SLCO2A1: variants seen among roughly 807,000 people sequenced by gnomAD.
SLCO2A1 encodes the protein solute carrier organic anion transporter family member 2A1.
Under a neutral mutation model 71.7 loss-of-function variants are expected in SLCO2A1, and 60 were observed. The ratio of observed to expected loss-of-function variants is 0.84; its 90% CI spans 0.68 to 1.04. SLCO2A1 has a LOEUF of 1.04. SLCO2A1 is among the 50% of genes least tolerant of loss of function. SLCO2A1 has a pLI of 0.00. For synonymous variants in SLCO2A1, 308 were observed against 326.7 expected (o/e 0.94, Z 0.62); for missense variants, 745 against 813.4 (o/e 0.92, Z 1.02).
intron 3 of SLCO2A1, among the ~76,000 whole-genome samples, chr3:133,962,960 C>T (rs1934075884): frequency 6.6e-6 from 1 of 152,158 alleles, no homozygotes; most frequent in Non-Finnish European, 1.5e-5. Flanking sequence ...CTCATCTTCC[C>T]CCAGGCAACC....
intron 5 of SLCO2A1, among the ~76,000 whole-genome samples, chr3:133,952,550 TG>T: frequency 6.6e-6 from 1 of 152,304 alleles, no homozygotes; most frequent in Middle Eastern, 3.4e-3. Flanking sequence ...CCCCATCTTG[TG>T]GGAGACTGGG....
At chr3:133,981,983 A>C (rs2108059677) in intron 1 of SLCO2A1, among the ~76,000 whole-genome samples, 1 of 151,822 alleles carries the variant, frequency 6.6e-6, no homozygotes, top group Non-Finnish European at 1.5e-5. Flanking sequence ...TCAAAAAAAA[A>C]AAAAAAAAAA....
chr3:133,962,173 G>A (rs185203919), intron 3 of SLCO2A1, among the ~76,000 whole-genome samples: 121 of 152,198 alleles, frequency 8.0e-4, no homozygotes, highest in African/African-American at 2.6e-3. Context: ...TCTGCCTCCC[G>A]GGTTTAAGCG....
chr3:134,027,764 T>C (rs977094661), intron 1 of SLCO2A1, among the ~76,000 whole-genome samples: 1 of 152,220 alleles, frequency 6.6e-6, no homozygotes, highest in African/African-American at 2.4e-5. Context: ...CTCCCAGTTA[T>C]TGCCCCAGGA....
chr3:133,969,625 A>G (rs1454623706), intron 3 of SLCO2A1, among the ~76,000 whole-genome samples: 2 of 152,142 alleles, frequency 1.3e-5, no homozygotes, highest in South Asian at 4.2e-4. Flanking sequence ...GCCTCAAGCA[A>G]TCTTCCTGCC....
Position 133,944,525 on chromosome 3 carries a change from A to T in SLCO2A1, c.1461+570T>A, listed in dbSNP as rs368336588. On this transcript the variant is annotated intron_variant, in intron 10 of 13. Transcript: ENST00000310926. ...CAAGTGGAAAGCTGGTGGCCAGAAG[A>T]TACATGGCTTTGAATAGAAGTGCCC... Among the ~76,000 whole-genome samples, 16 of 152,336 alleles carry T rather than the reference A, an allele frequency of 1.1e-4. No individual in the cohort carries two copies. In the East Asian group the frequency reaches 2.1e-3, roughly 20 times the overall value.
chr3:134,029,824 C>A lies in SLCO2A1; in HGVS notation c.-22G>T, dbSNP rs1935787142. On this transcript the variant is annotated 5_prime_UTR_variant, in exon 1 of 14. Transcript: ENST00000310926. ...CCATGGCTGCGGGCGGCTGGCCGGG[C>A]GCGGAGTGGCGCGGGGTCGGGGCGC... The A allele has an allele frequency of 3.7e-6, 5 of 1,359,236 alleles. No homozygotes were observed. Among genetic ancestry groups the A allele is most frequent in the Admixed American group, 3.6e-5 (1 of 27,868 alleles). The allele number at this position is 1,359,236 out of a possible 1,614,324, so 84.2% of individuals were successfully genotyped here.
chr3:134,014,236 G>A (rs1336301813), intron 1 of SLCO2A1, among the ~76,000 whole-genome samples: 1 of 152,166 alleles, frequency 6.6e-6, no homozygotes, highest in Non-Finnish European at 1.5e-5. Context: ...ATGCTGACCA[G>A]ACTGAGTGTT....
intron 1 of SLCO2A1, among the ~76,000 whole-genome samples, chr3:134,013,549 C>T (rs1419640181): frequency 6.6e-6 from 1 of 152,224 alleles, no homozygotes; most frequent in Non-Finnish European, 1.5e-5. Flanking sequence ...ACCTCACACA[C>T]TTGTCCCACT....
rs764801740 is a variant in SLCO2A1 at position 133,932,879 on chromosome 3, T to C, written c.*1834A>G. The C allele has an allele frequency of 1.2e-4, 19 of 152,598 alleles. No homozygotes were observed. The highest frequency in any genetic ancestry group is 2.2e-4 in the Non-Finnish European group (15 of 68,034). 9.5% of individuals were successfully genotyped at this position (152,598 alleles called of 1,614,324 possible). ...GACCAGGGTTAGTTGCAGGGCATCATTTTCCAAGCAGAACCATTTCAAATG... is the reference window on the plus strand; with the variant it reads ...GACCAGGGTTAGTTGCAGGGCATCACTTTCCAAGCAGAACCATTTCAAATG... On this transcript the variant is annotated 3_prime_UTR_variant, in exon 14 of 14. Coordinates refer to ENST00000310926, the MANE Select transcript of SLCO2A1 (RefSeq NM_005630.3).
chr3:134,021,950 T>C (rs1027921317), intron 1 of SLCO2A1, among the ~76,000 whole-genome samples: 1 of 145,584 alleles, frequency 6.9e-6, no homozygotes, highest in Non-Finnish European at 1.5e-5. Flanking sequence ...ATGGCCCAAA[T>C]GCATTCAATC....
chr3:133,941,213 C>A (rs1218416839), intron 11 of SLCO2A1, among the ~76,000 whole-genome samples: 1 of 152,154 alleles, frequency 6.6e-6, no homozygotes, highest in Non-Finnish European at 1.5e-5. Flanking sequence ...GCATCTGCTC[C>A]TTCCTTTTCT....
chr3:133,947,862 G>A (rs983961112), intron 8 of SLCO2A1, among the ~76,000 whole-genome samples: 5 of 152,144 alleles, frequency 3.3e-5, no homozygotes, highest in African/African-American at 1.2e-4. Flanking sequence ...GGGGGTGCAC[G>A]GGAGTCACCC....
At chr3:133,985,076 A>C (rs1934682364) in intron 1 of SLCO2A1, among the ~76,000 whole-genome samples, 2 of 152,174 alleles carry the variant, frequency 1.3e-5, no homozygotes, top group South Asian at 4.1e-4. Flanking sequence ...TTGCCCTCTG[A>C]GTAATTTAAC....
At chr3:133,998,055 C>T (rs1935012563) in intron 1 of SLCO2A1, among the ~76,000 whole-genome samples, 1 of 152,154 alleles carries the variant, frequency 6.6e-6, no homozygotes, top group Non-Finnish European at 1.5e-5. Context: ...TCAGCAAGAG[C>T]CGCCTCCTGC....
chr3:133,970,268 T>C (rs1443907897), intron 3 of SLCO2A1, among the ~76,000 whole-genome samples: 1 of 151,628 alleles, frequency 6.6e-6, no homozygotes, highest in Non-Finnish European at 1.5e-5. Flanking sequence ...ACGAGGGCTA[T>C]AAAATAGACA....
intron 1 of SLCO2A1, among the ~76,000 whole-genome samples, chr3:134,010,487 C>T (rs945850792): frequency 6.6e-6 from 1 of 152,144 alleles, no homozygotes; most frequent in East Asian, 1.9e-4. Flanking sequence ...GGCGCGGTGG[C>T]TCACGCCTGT....
At chr3:133,985,973 T>C (rs1488624856) in intron 1 of SLCO2A1, among the ~76,000 whole-genome samples, 2 of 152,216 alleles carry the variant, frequency 1.3e-5, no homozygotes, top group African/African-American at 4.8e-5. Flanking sequence ...CCTACTTACT[T>C]ACTTGGCTAA....
chr3:134,029,623 G>A, intron 1 of SLCO2A1, 84 bp downstream of exon 1: 2 of 1,177,108 alleles, frequency 1.7e-6, no homozygotes, highest in Non-Finnish European at 2.4e-6. Context: ...GGAGCCTCCT[G>A]GCTCCGGCAG....
Sources: allele counts gnomAD v4.1 joint callset (sites outside exome capture counted in the v4.1 genomes callset), GRCh38; gene constraint gnomAD v4.1.1; transcripts MANE v1.5; gene names NCBI Gene and HGNC (gene_info 2026-07-23, HGNC 2026-07-21).